CCDC63: variants seen among roughly 807,000 people sequenced by gnomAD.
The protein encoded by CCDC63 is coiled-coil domain containing 63.
Under a neutral mutation model 63.6 loss-of-function variants are expected in CCDC63, and 54 were observed. That is an observed-to-expected ratio of 0.85 (90% CI 0.68 to 1.07). CCDC63 has a LOEUF of 1.07. CCDC63 is among the 50% of genes least tolerant of loss of function. The probability of loss-of-function intolerance (pLI) is 0.00; values close to 1 mark genes in which losing one functional copy is unlikely to be tolerated. For synonymous variants in CCDC63, 253 were observed against 266.1 expected (o/e 0.95, Z 0.48); for missense variants, 637 against 689.6 (o/e 0.92, Z 0.86).
chr12:110,896,017 G>A (rs2071411712), intron 9 of CCDC63, among the ~76,000 whole-genome samples: 1 of 152,162 alleles, frequency 6.6e-6, no homozygotes, highest in Non-Finnish European at 1.5e-5. Flanking sequence ...TGTGTGTAAA[G>A]TACCTGGAAT....
intron 4 of CCDC63, among the ~76,000 whole-genome samples, chr12:110,863,023 TGGG>T (rs2070880557): frequency 6.6e-6 from 1 of 152,182 alleles, no homozygotes; most frequent in South Asian, 2.1e-4. Flanking sequence ...CCCAAAGTGT[TGGG>T]ATTACAGGCA....
At chr12:110,906,503 A>G (rs2071585743) in intron 11 of CCDC63, among the ~76,000 whole-genome samples, 1 of 151,900 alleles carries the variant, frequency 6.6e-6, no homozygotes, top group African/African-American at 2.4e-5. Context: ...ATTGTTTGAA[A>G]TTTTCTCTTA....
At chr12:110,903,777 G>T (rs116489615) in intron 10 of CCDC63, among the ~76,000 whole-genome samples, 1,560 of 152,296 alleles carry the variant, frequency 0.01, 28 homozygotes, top group African/African-American at 0.035. Flanking sequence ...CCTCTAGGGG[G>T]TTATTCAGGA....
rs151253252 is a variant in CCDC63 at position 110,889,667 on chromosome 12, T to C, written c.1075-3409T>C. Among the ~76,000 whole-genome samples the C allele has an allele frequency of 6.6e-6, 1 of 152,214 alleles. No homozygotes were observed. The highest frequency in any genetic ancestry group is 1.5e-5 in the Non-Finnish European group (1 of 68,008). On this transcript the variant is annotated intron_variant, in intron 8 of 11. Transcript: ENST00000308208. The surrounding 1 kb of genome is among the most constrained non-coding windows in gnomAD (Gnocchi z 4.1). ...TTCCAGAAGAGGTTTTGGCCATTTC[T>C]CAGAGAGGCAGGGGCCATGGGAGAT...
intron 3 of CCDC63, among the ~76,000 whole-genome samples, chr12:110,854,093 A>G (rs899817766): frequency 6.6e-6 from 1 of 152,048 alleles, no homozygotes; most frequent in Non-Finnish European, 1.5e-5. Flanking sequence ...AAGGGACACA[A>G]AAATGTCTGG....
chr12:110,873,864 T>C lies in CCDC63; in HGVS notation c.392T>C (p.Ile131Thr). 6.2e-7 allele frequency: 1 copy of C among 1,611,926 alleles called. No homozygotes were observed. The highest frequency in any genetic ancestry group is 8.5e-7 in the Non-Finnish European group (1 of 1,179,468). Residue 131 changes from isoleucine to threonine, a missense_variant, in exon 5 of 12, where the codon ATC (isoleucine) becomes ACC (threonine). Physicochemically the swap from Ile to Thr is moderately conservative, Grantham distance 89. Transcript: ENST00000308208. Reference sequence around the variant, plus strand: ...CAGATTCTTCAGATGGAAAAAAAAATCGCAAACCAAAAACAGATTTTCGCA... The same window carrying C: ...CAGATTCTTCAGATGGAAAAAAAAACCGCAAACCAAAAACAGATTTTCGCA... Reference protein sequence around the residue: ...DEKILQMEKKIANQKQIFAKM... With the variant: ...DEKILQMEKKTANQKQIFAKM...
At chr12:110,864,707 C>CA (rs112919673) in intron 4 of CCDC63, among the ~76,000 whole-genome samples, 5,096 of 126,394 alleles carry the variant, frequency 0.04, 276 homozygotes, top group African/African-American at 0.13. Context: ...GACTCCATCT[C>CA]AAAAAAAAAA....
intron 7 of CCDC63, among the ~76,000 whole-genome samples, chr12:110,883,691 G>A (rs956455662): frequency 6.6e-6 from 1 of 152,158 alleles, no homozygotes; most frequent in Non-Finnish European, 1.5e-5. Context: ...CCAGGCTGGA[G>A]TGCAGTGGCG....
At position 110,861,070 on chromosome 12, in the gene CCDC63, C is replaced by T. The variant is rs568427218; in HGVS notation, c.369+2295C>T. ...AGGAAGAAGAGAGAGACGGGGGAGG[C>T]GCCACACACTTTTAAACAACCAGAT... On this transcript the variant is annotated intron_variant, in intron 4 of 11. Transcript: ENST00000308208. 1.2e-3 allele frequency among the ~76,000 whole-genome samples: 181 copies of T among 152,096 alleles called. 2 individuals carry two copies. Among genetic ancestry groups the T allele is most frequent in the African/African-American group, 4.1e-3 (171 of 41,480 alleles).
Position 110,881,266 on chromosome 12 carries a change from G to A in CCDC63, c.823G>A (p.Glu275Lys). 1 of 1,613,674 alleles carries A rather than the reference G, an allele frequency of 6.2e-7. No homozygotes were observed. The highest frequency in any genetic ancestry group is 8.5e-7 in the Non-Finnish European group (1 of 1,179,828). ...FLLVKLNDRN[E>K]FEEQAKREEA... ...GCTCGTCAAGCTGAATGATCGCAAT[G>A]AATTCGAGGAGCAGGCCAAAAGGGA... The change falls in exon 7 of 12, where the codon GAA becomes AAA. Residue 275 changes from glutamate (E) to lysine (K), a missense_variant. Coordinates refer to ENST00000308208, the MANE Select transcript of CCDC63 (RefSeq NM_152591.3).
intron 9 of CCDC63, 123 bp from the exon 10 acceptor site, chr12:110,898,810 T>C: frequency 1.8e-6 from 1 of 563,634 alleles, no homozygotes; most frequent in South Asian, 4.3e-5. Flanking sequence ...CCCATTTAAT[T>C]GATCTCGTGT....
At chr12:110,887,665 A>G (rs2071301866) in intron 8 of CCDC63, among the ~76,000 whole-genome samples, 1 of 151,712 alleles carries the variant, frequency 6.6e-6, no homozygotes, top group South Asian at 2.1e-4. Context: ...TAGAATTCTA[A>G]CATCTGACTT....
intron 1 of CCDC63, among the ~76,000 whole-genome samples, chr12:110,849,498 C>CT (rs56059098): frequency 0.47 from 59,443 of 126,234 alleles, 15,283 homozygotes; most frequent in East Asian, 0.67. Context: ...CTCTTATTTC[C>CT]TTTTTTTTTT....
At position 110,879,802 on chromosome 12, in the gene CCDC63, C is replaced by T. The variant is rs543689038; in HGVS notation, c.490-104C>T. On this transcript the variant is annotated intron_variant, in intron 5 of 11. Transcript: ENST00000308208. ...TCCAACCACTCCTCCATGGCCCTTG[C>T]GTATGAGGTGGGGCAAAGACCTGAC... 88 of 1,089,518 alleles carry T rather than the reference C, an allele frequency of 8.1e-5. No individual in the cohort carries two copies. In the African/African-American group the frequency reaches 9.6e-4, roughly 12 times the overall value. 67.5% of individuals were successfully genotyped at this position (1,089,518 alleles called of 1,614,324 possible).
At chr12:110,848,097 C>G (rs533186775) in intron 1 of CCDC63, among the ~76,000 whole-genome samples, 2 of 152,226 alleles carry the variant, frequency 1.3e-5, no homozygotes, top group Non-Finnish European at 2.9e-5. Context: ...TTTTAGATTC[C>G]TAACAGGAAC....
chr12:110,867,105 C>A (rs1452200062), intron 4 of CCDC63, among the ~76,000 whole-genome samples: 1 of 140,724 alleles, frequency 7.1e-6, no homozygotes, highest in African/African-American at 2.7e-5. Flanking sequence ...CCAGACGGGG[C>A]GGCTGGCCGG....
chr12:110,852,887 G>A lies in CCDC63; in HGVS notation c.-68G>A. On this transcript the variant is annotated 5_prime_UTR_variant, in exon 2 of 12. Transcript: ENST00000308208. ...ATTGCAGAGAGACAGAGAGAGAGAG[G>A]AAGGCTCACTGGCTTTGAGCTCTCT... 1.9e-6 allele frequency: 3 copies of A among 1,613,280 alleles called. No individual in the cohort carries two copies. The highest frequency in any genetic ancestry group is 2.5e-6 in the Non-Finnish European group (3 of 1,179,322).
At chr12:110,883,594 CTA>C (rs201191869) in intron 7 of CCDC63, among the ~76,000 whole-genome samples, 2 of 149,042 alleles carry the variant, frequency 1.3e-5, no homozygotes, top group South Asian at 4.2e-4. Context: ...AAGCATACTA[CTA>C]TATATATATT....
intron 7 of CCDC63, among the ~76,000 whole-genome samples, chr12:110,882,481 C>G (rs949582800): frequency 2.6e-5 from 4 of 151,836 alleles, no homozygotes; most frequent in African/African-American, 9.7e-5. Flanking sequence ...TAGAAAAAAG[C>G]AGATCCTAAG....
Sources: allele counts gnomAD v4.1 joint callset (sites outside exome capture counted in the v4.1 genomes callset), GRCh38; gene constraint gnomAD v4.1.1; non-coding constraint Gnocchi (gnomAD v3.1); transcripts MANE v1.5; gene names NCBI Gene and HGNC (gene_info 2026-07-23, HGNC 2026-07-21).